The following TTLL8 variants were observed in gnomAD, a reference collection of about 807,000 sequenced individuals.
TTLL8 encodes the protein tubulin tyrosine ligase like 8.
TTLL8 carries 65 observed loss-of-function variants against 77.8 expected under a neutral mutation model. The observed-to-expected ratio is 0.84, with a 90% CI of 0.68 to 1.03. The LOEUF is 1.03. TTLL8 is among the 50% of genes least tolerant of loss of function. The pLI, the probability that TTLL8 is intolerant of heterozygous loss-of-function variation, is 0.00. For missense variants in TTLL8, 910 were observed against 1,004.5 expected (o/e 0.91, Z 1.27); for synonymous variants, 402 against 422.8 (o/e 0.95, Z 0.60).
rs74771371 is a variant in TTLL8 at position 50,031,726 on chromosome 22, C to T, written c.1667G>A (p.Arg556His). ...CTCGAAGTTGCCGATGTCACAGCTGCGGTCCACGGCCACCTTGATGGTGTC... is the reference window on the plus strand; with the variant it reads ...CTCGAAGTTGCCGATGTCACAGCTGTGGTCCACGGCCACCTTGATGGTGTC... The change falls in exon 11 of 14, where the codon CGC (arginine) becomes CAC (histidine). Residue 556 changes from arginine (R) to histidine (H), a missense_variant. Around this residue, in one of 2 missense-constraint regions of TTLL8, gnomAD observed 776 missense variants for 926.1 expected, o/e 0.84. Coordinates refer to ENST00000266182, the Ensembl canonical transcript of TTLL8. The T allele has an allele frequency of 2.4e-4, 322 of 1,339,902 alleles. 3 individuals are homozygous for T. In the East Asian group the frequency reaches 0.014, roughly 57 times the overall value. 83.0% of individuals were successfully genotyped at this position (1,339,902 alleles called of 1,614,324 possible).
At chr22:50,056,427 G>C (rs547820966), upstream of TTLL8, among the ~76,000 whole-genome samples, 2 of 152,176 alleles carry the variant, frequency 1.3e-5, no homozygotes, top group Non-Finnish European at 2.9e-5. The surrounding 1 kb of genome is among the most constrained non-coding windows in gnomAD (Gnocchi z 4.1). Context: ...CGGAGCTCTC[G>C]ATCTGGCCCT....
At chr22:50,031,824 G>A (rs750185240) in exon 11 of TTLL8, 12 of 1,367,010 alleles carry the variant, frequency 8.8e-6, no homozygotes, top group African/African-American at 1.5e-5. Context: ...AATTGATCTC[G>A]ATCAGCCAGG....
At chr22:50,056,701 G>GGGCT (rs2146707403), upstream of TTLL8, 1 of 966,188 alleles carries the variant, frequency 1.0e-6, no homozygotes, top group Non-Finnish European at 1.2e-6. The surrounding 1 kb of genome is among the most constrained non-coding windows in gnomAD (Gnocchi z 4.1). Flanking sequence ...AACACCCCTG[G>GGGCT]GGTCCTCCGC....
chr22:50,034,171 C>T lies in TTLL8; in HGVS notation c.1039+174G>A, dbSNP rs963984562. ...GTGATCGGAACACATGCTGTGAAGA[C>T]GCCTCCAGCTCTGCTCCAGCGCCTG... On this transcript the variant is annotated intron_variant, in intron 9 of 13. Transcript: ENST00000266182. The surrounding 1 kb of genome is among the most constrained non-coding windows in gnomAD (Gnocchi z 4.1). 17 of 515,242 alleles carry T rather than the reference C, an allele frequency of 3.3e-5. No individual in the cohort carries two copies. Among genetic ancestry groups the T allele is most frequent in the Admixed American group, 1.3e-4 (2 of 15,684 alleles). The allele number at this position is 515,242 out of a possible 1,614,324, so 31.9% of individuals were successfully genotyped here. A position where few individuals can be genotyped will look rare whatever the true frequency, so the allele number is the denominator to read the frequency against.
chr22:50,036,381 TG>T (rs1335370859), intron 8 of TTLL8, among the ~76,000 whole-genome samples: 4 of 152,160 alleles, frequency 2.6e-5, no homozygotes, highest in African/African-American at 9.7e-5. Flanking sequence ...GGGTGCATCC[TG>T]CCATACTCAA....
At chr22:50,048,611 C>G (rs1219331416) in intron 3 of TTLL8, among the ~76,000 whole-genome samples, 1 of 152,186 alleles carries the variant, frequency 6.6e-6, no homozygotes, top group Non-Finnish European at 1.5e-5. Flanking sequence ...GTAGGAATGG[C>G]ACTGACTCCA....
rs577144987 is a variant in TTLL8 at position 50,031,252 on chromosome 22, G to A, written c.1708-327C>T. Among the ~76,000 whole-genome samples, 17 of 152,326 alleles carry A rather than the reference G, an allele frequency of 1.1e-4. No individual in the cohort carries two copies. The East Asian group carries it at 3.3e-3, about 29-fold the overall frequency. ...GCTTCCCAATGACTCCAGCACATCC[G>A]CAGGCACAGGGAGGCCCGCGAAAGA... On this transcript the variant is annotated intron_variant, in intron 11 of 13. Transcript: ENST00000266182.
rs565285883 is a variant in TTLL8 at position 50,041,568 on chromosome 22, T to A, written c.830+53A>T. On this transcript the variant is annotated intron_variant, in intron 7 of 13. Transcript: ENST00000266182. This position sits in a 1 kb window ranked among gnomAD's most constrained non-coding sequence, Gnocchi z 4.3. The stretch of plus-strand genomic sequence containing the variant: ...GAGGCTGCACTGCCCCGGCAGCTCC[T>A]GCAATCTGCACTCACAGCTCCGACA... The A allele has an allele frequency of 4.7e-6, 6 of 1,289,062 alleles. No homozygotes were observed. The East Asian group carries it at 2.9e-4, about 63-fold the overall frequency. The allele number at this position is 1,289,062 out of a possible 1,614,324, so 79.9% of individuals were successfully genotyped here.
intron 1 of TTLL8, among the ~76,000 whole-genome samples, chr22:50,053,584 A>C (rs1390380178): frequency 6.6e-6 from 1 of 152,234 alleles, no homozygotes. Flanking sequence ...AAATGTTTAT[A>C]CATTTAAAGG....
At chr22:50,030,688 CCAGGGG>C in exon 12 of TTLL8, 7 of 1,285,826 alleles carry the variant, frequency 5.4e-6, no homozygotes, top group Non-Finnish European at 7.1e-6. Context: ...GCCAGCAAGG[CCAGGGG>C]GAGCCCCTTC....
At chr22:50,033,998 A>G (rs2061317561) in intron 9 of TTLL8, among the ~76,000 whole-genome samples, 1 of 152,256 alleles carries the variant, frequency 6.6e-6, no homozygotes, top group Non-Finnish European at 1.5e-5. Flanking sequence ...GCGCCACTGC[A>G]CTTCAGCCTG....
chr22:50,053,012 A>G (rs9628277), intron 1 of TTLL8, among the ~76,000 whole-genome samples: 21,252 of 152,156 alleles, frequency 0.14, 1,633 homozygotes, highest in South Asian at 0.2. Flanking sequence ...ACCTGAGGTC[A>G]GGAGTTCAAG....
chr22:50,030,845 C>T (rs376395687), exon 12 of TTLL8: 4 of 1,339,568 alleles, frequency 3.0e-6, no homozygotes, highest in Admixed American at 4.1e-5. Context: ...AGACGGGCAG[C>T]ACCTGCCTCC....
At chr22:50,040,400 G>A (rs2061363409) in intron 8 of TTLL8, among the ~76,000 whole-genome samples, 1 of 152,382 alleles carries the variant, frequency 6.6e-6, no homozygotes, top group South Asian at 2.1e-4. Flanking sequence ...CAGATTTCAT[G>A]TTGGGCACAA....
chr22:50,020,611 A>AACGACGTGTACCCCTCCATCTG (rs1569217378), intron 12 of TTLL8, among the ~76,000 whole-genome samples: 5 of 108,118 alleles, frequency 4.6e-5, no homozygotes, highest in African/African-American at 1.9e-4. Context: ...TCCTCCATCT[A>AACGACGTGTACCCCTCCATCTG]ACGACGTGTA....
intron 4 of TTLL8, 39 bp downstream of exon 6, chr22:50,047,129 C>T: frequency 7.3e-7 from 1 of 1,364,450 alleles, no homozygotes; most frequent in Non-Finnish European, 9.8e-7. Flanking sequence ...CCCCACCACC[C>T]TTGCCGGCTC....
chr22:50,036,516 A>C (rs1440816152), intron 8 of TTLL8, among the ~76,000 whole-genome samples: 2 of 152,124 alleles, frequency 1.3e-5, no homozygotes, highest in Non-Finnish European at 2.9e-5. Context: ...CTATCACTGC[A>C]GACAGGGCTG....
intron 3 of TTLL8, among the ~76,000 whole-genome samples, chr22:50,048,115 A>AGT (rs34500180): frequency 0.39 from 56,972 of 145,504 alleles, 12,135 homozygotes; most frequent in South Asian, 0.51. Flanking sequence ...CCCCCAAAAA[A>AGT]GTGTGTGTGT....
chr22:50,042,555 ACATGCTCAACAT>A (rs2061378636), intron 6 of TTLL8, among the ~76,000 whole-genome samples: 1 of 152,236 alleles, frequency 6.6e-6, no homozygotes, highest in African/African-American at 2.4e-5. Flanking sequence ...GCATATGAAC[ACATGCTCAACAT>A]CATATACCAC....
Sources: gnomAD v4.1 joint callset for allele counts (sites outside exome capture counted in the v4.1 genomes callset) on GRCh38, gnomAD v4.1.1 for gene constraint, gnomAD v4.1.1 regional missense constraint, Gnocchi (gnomAD v3.1) non-coding constraint, MANE v1.5 for transcripts, NCBI Gene and HGNC (gene_info 2026-07-23, HGNC 2026-07-21) for gene names.